Variants in DCUN1D4 observed in about 807,000 individuals in gnomAD.
The protein encoded by DCUN1D4 is defective in cullin neddylation 1 domain containing 4, also known as DCN1-like protein 4.
A neutral mutation model predicts 47.9 loss-of-function variants in DCUN1D4; 22 were observed. The ratio of observed to expected loss-of-function variants is 0.46; its 90% CI spans 0.33 to 0.66. The LOEUF (loss-of-function observed/expected upper bound fraction) is 0.66, where lower values mean the gene tolerates loss of function less well. Among genes scored for constraint, DCUN1D4 ranks in the 30% least tolerant of loss-of-function variants. The probability of loss-of-function intolerance (pLI) is 0.02; values close to 1 mark genes in which losing one functional copy is unlikely to be tolerated. For missense variants in DCUN1D4, 301 were observed against 340.8 expected (o/e 0.88, Z 0.92); for synonymous variants, 121 against 112.2 (o/e 1.08, Z -0.50).
chr4:51,884,078 A>G (rs993318796), intron 5 of DCUN1D4, among the ~76,000 whole-genome samples: 4 of 151,768 alleles, frequency 2.6e-5, no homozygotes, highest in African/African-American at 4.8e-5. Context: ...AGAAAAAAGT[A>G]ACAGATTTGA....
intron 5 of DCUN1D4, among the ~76,000 whole-genome samples, chr4:51,878,298 G>A (rs998262143): frequency 6.6e-6 from 1 of 152,148 alleles, no homozygotes; most frequent in Admixed American, 6.5e-5. Flanking sequence ...TTTAAATTTA[G>A]TCTTTCTTTT....
At position 51,863,680 on chromosome 4, in the gene DCUN1D4, A is replaced by G; in HGVS notation, c.107A>G (p.Glu36Gly). The change falls in exon 3 of 11, where the codon GAA becomes GGA. Residue 36 changes from glutamate to glycine, a missense_variant. Around this residue, in one of 2 missense-constraint regions of DCUN1D4, gnomAD observed 131 missense variants for 106.3 expected, o/e 1.23. Coordinates refer to ENST00000334635, the MANE Select transcript of DCUN1D4 (RefSeq NM_001040402.3). ...ACATATTTCTTTCAGAACCTAACAG[A>G]AGACATTGGCCAAGACGATCACCAA... ...YHTLNKLNLT[E>G]DIGQDDHQTG... 1.2e-6 allele frequency: 2 copies of G among 1,613,680 alleles called. No homozygotes were observed. Among genetic ancestry groups the G allele is most frequent in the East Asian group, 4.5e-5 (2 of 44,818 alleles).
intron 5 of DCUN1D4, among the ~76,000 whole-genome samples, chr4:51,879,990 C>A (rs974796916): frequency 6.6e-6 from 1 of 152,182 alleles, no homozygotes; most frequent in African/African-American, 2.4e-5. Flanking sequence ...CCTGCTAAGT[C>A]CTTCGTTTTA....
intron 6 of DCUN1D4, chr4:51,887,357 C>T (rs1729665021): frequency 4.2e-6 from 1 of 237,496 alleles, no homozygotes; most frequent in African/African-American, 2.4e-5. Flanking sequence ...GGCTCAGCCT[C>T]CCAAAGTGCT....
chr4:51,835,736 A>G, the DCUN1D4 span, among the ~76,000 whole-genome samples: 1 of 151,982 alleles, frequency 6.6e-6, no homozygotes, highest in Non-Finnish European at 1.5e-5. Flanking sequence ...TGATGAGATG[A>G]GAGAGATGGC....
the DCUN1D4 span, among the ~76,000 whole-genome samples, chr4:51,837,654 C>CAAAAAAAAAAAAAAAAAAAAAAAAA: frequency 2.2e-5 from 1 of 46,180 alleles, no homozygotes; most frequent in African/African-American, 8.3e-5. Flanking sequence ...GACTCCGTCT[C>CAAAAAAAAAAAAAAAAAAAAAAAAA]AAAAAAAAAA....
upstream of DCUN1D4, among the ~76,000 whole-genome samples, chr4:51,841,194 T>G (rs1721627580): frequency 6.6e-6 from 1 of 151,798 alleles, no homozygotes; most frequent in Admixed American, 6.6e-5. Context: ...CCCTTTTCTG[T>G]GCAAAATAAC....
At chr4:51,849,769 C>T (rs572053445) in intron 1 of DCUN1D4, among the ~76,000 whole-genome samples, 3 of 152,084 alleles carry the variant, frequency 2.0e-5, no homozygotes, top group African/African-American at 7.2e-5. Flanking sequence ...TGCCTAGGAG[C>T]TAATACATAA....
In DCUN1D4 at chr4:51,911,180, A is replaced by T; in HGVS notation, c.720+6A>T. On this transcript the variant is annotated splice_donor_region_variant and intron_variant, in intron 9 of 10. Transcript: ENST00000334635. ...TTTTTCACCAATTCTTAGAGGTACC[A>T]AATTGTTGTTTTATGAAATGTATGT... is the stretch of plus-strand genomic sequence containing the variant. 1 of 1,605,786 alleles carries T rather than the reference A, an allele frequency of 6.2e-7. No homozygotes were observed. The highest frequency in any genetic ancestry group is 1.1e-5 in the South Asian group (1 of 89,498).
At chr4:51,836,779 G>A in the DCUN1D4 span, among the ~76,000 whole-genome samples, 2 of 152,024 alleles carry the variant, frequency 1.3e-5, no homozygotes, top group Non-Finnish European at 2.9e-5. Context: ...TCCTATTGCT[G>A]TCTGCCTTCC....
chr4:51,860,473 CT>C (rs1172682401), intron 1 of DCUN1D4: 1 of 414,408 alleles, frequency 2.4e-6, no homozygotes, highest in Non-Finnish European at 4.8e-6. Context: ...TCTTGCATTA[CT>C]ATAAAGAAAT....
chr4:51,841,945 G>A, upstream of DCUN1D4, among the ~76,000 whole-genome samples: 1 of 141,078 alleles, frequency 7.1e-6, no homozygotes, highest in Non-Finnish European at 1.5e-5. Context: ...TGTTGTTGGA[G>A]TTGGTGGCTG....
chr4:51,863,262 C>T (rs1371583697), intron 1 of DCUN1D4, among the ~76,000 whole-genome samples, 175 bp from the exon 2 acceptor site: 1 of 152,102 alleles, frequency 6.6e-6, no homozygotes, highest in Non-Finnish European at 1.5e-5. Context: ...GGGAATTTAA[C>T]TTTATTGTCA....
intron 3 of DCUN1D4, among the ~76,000 whole-genome samples, chr4:51,867,542 T>C (rs1054570229): frequency 6.6e-6 from 1 of 152,166 alleles, no homozygotes; most frequent in South Asian, 2.1e-4. Context: ...GTAGCTCTTT[T>C]CTGCAGGCAG....
intron 3 of DCUN1D4, among the ~76,000 whole-genome samples, chr4:51,874,006 G>A (rs1045722089): frequency 1.3e-5 from 2 of 152,144 alleles, no homozygotes; most frequent in Admixed American, 6.5e-5. Flanking sequence ...TAGTATTTTT[G>A]GAGAGTAAAT....
the DCUN1D4 span, among the ~76,000 whole-genome samples, chr4:51,834,081 TCTCTC>T: frequency 1.4e-4 from 17 of 118,306 alleles, 1 homozygote; most frequent in East Asian, 1.9e-3. Context: ...TCTCTCTCTC[TCTCTC>T]TTTTCTTTTC....
Position 51,899,378 on chromosome 4 carries a change from G to C in DCUN1D4, c.615G>C (p.Arg205=). ...LIYRYAFDFA[R]EKDQRSLDIN... ...ACAGATATGCGTTTGACTTTGCACG[G>C]GTGAGTTCTCTGGAGCCTATCCAGA... Residue 205 remains arginine (R), a splice_region_variant and synonymous_variant, in exon 8 of 11, where the codon CGG becomes CGC. Coordinates refer to ENST00000334635, the MANE Select transcript of DCUN1D4 (RefSeq NM_001040402.3). 1 of 1,603,374 alleles carries C rather than the reference G, an allele frequency of 6.2e-7. No homozygotes were observed. Among genetic ancestry groups the C allele is most frequent in the Non-Finnish European group, 8.5e-7 (1 of 1,175,072 alleles).
rs990742858 is a variant in DCUN1D4, at chr4:51,916,334, C to T, written c.*2750C>T. The T allele has an allele frequency of 3.3e-5, 5 of 152,480 alleles. No individual in the cohort carries two copies. The highest frequency in any genetic ancestry group is 7.4e-5 in the Non-Finnish European group (5 of 68,002). The allele number at this position is 152,480 out of a possible 1,614,324, so 9.4% of individuals were successfully genotyped here. On this transcript the variant is annotated 3_prime_UTR_variant, in exon 11 of 11. Transcript: ENST00000334635. ...AACTCTGAATTATGTTTTTATAAATCTGACTAGGCAAACCTAGATTCTGGT... is the reference window on the plus strand; with the variant it reads ...AACTCTGAATTATGTTTTTATAAATTTGACTAGGCAAACCTAGATTCTGGT...
intron 1 of DCUN1D4, chr4:51,860,792 C>G (rs767784269): frequency 2.8e-5 from 9 of 317,456 alleles, no homozygotes; most frequent in Non-Finnish European, 4.5e-5. Flanking sequence ...GGCCCCACCT[C>G]TGGCACTGAG....
Sources: allele counts gnomAD v4.1 joint callset (sites outside exome capture counted in the v4.1 genomes callset), GRCh38; gene constraint gnomAD v4.1.1; regional missense constraint gnomAD v4.1.1; transcripts MANE v1.5; gene names NCBI Gene and HGNC (gene_info 2026-07-23, HGNC 2026-07-21).